ARSB: variants seen among roughly 807,000 people sequenced by gnomAD.
ARSB encodes arylsulfatase B.
Under a neutral mutation model 50.9 loss-of-function variants are expected in ARSB, and 41 were observed. The ratio of observed to expected loss-of-function variants is 0.81; its 90% CI spans 0.63 to 1.04. The LOEUF (loss-of-function observed/expected upper bound fraction) is 1.04, where lower values mean the gene tolerates loss of function less well. Among genes scored for constraint, ARSB ranks in the 50% least tolerant of loss-of-function variants. The pLI, the probability that ARSB is intolerant of heterozygous loss-of-function variation, is 0.00. For missense variants in ARSB, 672 were observed against 693.3 expected (o/e 0.97, Z 0.35); for synonymous variants, 269 against 284.8 (o/e 0.94, Z 0.56).
At chr5:78,885,477 G>T in intron 5 of ARSB, 107 bp downstream of exon 5, 3 of 1,482,656 alleles carry the variant, frequency 2.0e-6, no homozygotes, top group Non-Finnish European at 2.7e-6. Flanking sequence ...TCATGTATTT[G>T]TAAGCTGAAC....
chr5:78,850,582 T>A (rs1745718777), intron 5 of ARSB, among the ~76,000 whole-genome samples: 1 of 152,124 alleles, frequency 6.6e-6, no homozygotes. Flanking sequence ...ATAAAATGAG[T>A]TAGGGAGGAT....
At chr5:78,821,328 G>A (rs1744212891) in intron 6 of ARSB, among the ~76,000 whole-genome samples, 2 of 152,200 alleles carry the variant, frequency 1.3e-5, no homozygotes, top group African/African-American at 4.8e-5. Flanking sequence ...AGTAGAGACA[G>A]AGTTTCACCA....
At chr5:78,925,924 T>G (rs1380849010) in intron 4 of ARSB, among the ~76,000 whole-genome samples, 1 of 152,124 alleles carries the variant, frequency 6.6e-6, no homozygotes, top group East Asian at 1.9e-4. Context: ...CCCTCTTTTT[T>G]GGAAAAAAAG....
At chr5:78,793,684 T>C (rs373840866) in intron 6 of ARSB, among the ~76,000 whole-genome samples, 11 of 152,138 alleles carry the variant, frequency 7.2e-5, no homozygotes, top group African/African-American at 2.2e-4. Context: ...CTAGTCCTAG[T>C]TGCTGGGCAC....
At chr5:78,927,433 A>G (rs1020989378) in intron 4 of ARSB, among the ~76,000 whole-genome samples, 6 of 152,174 alleles carry the variant, frequency 3.9e-5, no homozygotes, top group Non-Finnish European at 8.8e-5. Context: ...AGGCCAGGGC[A>G]CTATTTAGTA....
At chr5:78,848,312 G>A (rs1189733764) in intron 5 of ARSB, among the ~76,000 whole-genome samples, 1 of 80,452 alleles carries the variant, frequency 1.2e-5, no homozygotes, top group Non-Finnish European at 2.5e-5. Flanking sequence ...GTGAGAACAT[G>A]CGGTGTTTGG....
At chr5:78,875,895 T>A (rs2112173170) in intron 5 of ARSB, among the ~76,000 whole-genome samples, 1 of 152,190 alleles carries the variant, frequency 6.6e-6, no homozygotes, top group South Asian at 2.1e-4. Flanking sequence ...CTCAAACTCC[T>A]GACCTCAAGT....
chr5:78,985,304 A>G lies in ARSB; in HGVS notation c.-56T>C, dbSNP rs1753136625. 6.4e-6 allele frequency: 8 copies of G among 1,240,902 alleles called. No homozygotes were observed. The highest frequency in any genetic ancestry group is 6.6e-5 in the South Asian group (2 of 30,236). The allele number at this position is 1,240,902 out of a possible 1,614,324, so 76.9% of individuals were successfully genotyped here. ...GCGCCACCAGCCCCTTGTACCGCTG[A>G]TAGAATGAGGAACTGGGCTGCCGGG... On this transcript the variant is annotated 5_prime_UTR_variant, in exon 1 of 8. Coordinates refer to ENST00000264914, the MANE Select transcript of ARSB (RefSeq NM_000046.5).
intron 5 of ARSB, among the ~76,000 whole-genome samples, chr5:78,865,305 G>C (rs1265473426): frequency 1.3e-5 from 2 of 152,218 alleles, no homozygotes; most frequent in Non-Finnish European, 2.9e-5. Context: ...AACACCACGT[G>C]GAAGCTGCCA....
chr5:78,797,562 A>G (rs1743230322), intron 6 of ARSB, among the ~76,000 whole-genome samples: 1 of 152,204 alleles, frequency 6.6e-6, no homozygotes, highest in Admixed American at 6.5e-5. Context: ...CTTGGCCATC[A>G]AAACAGGTTC....
chr5:78,875,230 A>C (rs1747430964), intron 5 of ARSB, among the ~76,000 whole-genome samples: 1 of 152,188 alleles, frequency 6.6e-6, no homozygotes, highest in South Asian at 2.1e-4. Flanking sequence ...AAAACCCAAA[A>C]TTTGGAAACT....
At chr5:78,935,908 C>T (rs939866009) in intron 4 of ARSB, among the ~76,000 whole-genome samples, 6 of 150,552 alleles carry the variant, frequency 4.0e-5, no homozygotes, top group Non-Finnish European at 7.4e-5. Context: ...GGGTATTTTT[C>T]GTTCTCTCTC....
chr5:78,853,106 GC>G lies in ARSB; in HGVS notation c.1143-13681del, dbSNP rs1214920048. The stretch of plus-strand genomic sequence containing the variant: ...TTTGTTCCGTTGCTGGTGTGGAACT[GC>G]GTTCCTTTGGAAGAGGAGAGGCGCT... On this transcript the variant is annotated intron_variant, in intron 5 of 7. Coordinates refer to ENST00000264914, the MANE Select transcript of ARSB (RefSeq NM_000046.5). Among the ~76,000 whole-genome samples, 4 of 152,358 alleles carry G rather than the reference GC, an allele frequency of 2.6e-5. No individual in the cohort carries two copies. In the East Asian group the frequency reaches 7.7e-4, roughly 29 times the overall value.
At chr5:78,821,358 G>A (rs1044732117) in intron 6 of ARSB, among the ~76,000 whole-genome samples, 4 of 152,070 alleles carry the variant, frequency 2.6e-5, no homozygotes, top group South Asian at 2.1e-4. Context: ...GGTTGGTCTC[G>A]AACTCCTGAC....
chr5:78,834,953 C>CCCCT (rs35281545), intron 6 of ARSB, among the ~76,000 whole-genome samples: 18,530 of 139,392 alleles, frequency 0.13, 1,431 homozygotes, highest in Admixed American at 0.2. Flanking sequence ...TTCTTATTTT[C>CCCCT]CCCTCCCTCC....
At chr5:78,976,420 G>C (rs11739303) in intron 1 of ARSB, among the ~76,000 whole-genome samples, 20,842 of 150,416 alleles carry the variant, frequency 0.14, 1,559 homozygotes, top group Admixed American at 0.19. Flanking sequence ...CCCTGCCCCC[G>C]GGTCTCAACC....
intron 4 of ARSB, among the ~76,000 whole-genome samples, chr5:78,923,604 G>T (rs192924043): frequency 1.3e-5 from 2 of 152,316 alleles, no homozygotes; most frequent in African/African-American, 4.8e-5. Flanking sequence ...TTAAGCTCAC[G>T]TCGTCATCTG....
rs59035274 is a variant in ARSB, at chr5:78,972,516, T to TACACACACACACACAC, written c.313-3340_313-3325dup. On this transcript the variant is annotated intron_variant, in intron 1 of 7. Transcript: ENST00000264914. ...CTCTTAGCACATTTGCACGCATACG[T>TACACACACACACACAC]ACACACACACACACACACACACACA... 9.7e-3 allele frequency among the ~76,000 whole-genome samples: 1,414 copies of TACACACACACACACAC among 145,652 alleles called. 26 individuals are homozygous for TACACACACACACACAC. Among genetic ancestry groups the TACACACACACACACAC allele is most frequent in the African/African-American group, 0.03 (1,161 of 38,188 alleles).
chr5:78,859,994 A>G (rs1211000665), intron 5 of ARSB, among the ~76,000 whole-genome samples: 2 of 152,230 alleles, frequency 1.3e-5, no homozygotes. Context: ...CAAATAATAT[A>G]GCATTCCTTA....
Sources: gnomAD v4.1 joint callset for allele counts (sites outside exome capture counted in the v4.1 genomes callset) on GRCh38, gnomAD v4.1.1 for gene constraint, MANE v1.5 for transcripts, NCBI Gene and HGNC (gene_info 2026-07-23, HGNC 2026-07-21) for gene names.